Variants in SHCBP1L observed in about 807,000 individuals in gnomAD.
SHCBP1L encodes the protein testicular spindle-associated protein SHCBP1L.
In SHCBP1L, 67 loss-of-function variants were observed where a neutral mutation model predicts 62.5. The observed-to-expected ratio is 1.07, with a 90% CI of 0.88 to 1.31. The LOEUF (loss-of-function observed/expected upper bound fraction) is 1.31. Ranked by LOEUF, SHCBP1L falls within the 40% of genes most tolerant of loss-of-function variation. SHCBP1L has a pLI of 0.00. For synonymous variants in SHCBP1L, 284 were observed against 289.4 expected, an observed-to-expected ratio of 0.98 and a Z score of 0.19; for missense variants, 823 against 809.8, an observed-to-expected ratio of 1.02 and a Z score of -0.20.
intron 5 of SHCBP1L, among the ~76,000 whole-genome samples, chr1:182,931,009 AG>A (rs1394754531): frequency 6.6e-6 from 1 of 150,902 alleles, no homozygotes; most frequent in Non-Finnish European, 1.5e-5. Context: ...TACAGGCATG[AG>A]CCTGGCCAGT....
Position 182,952,941 on chromosome 1 carries a change from T to C in SHCBP1L, c.193A>G (p.Thr65Ala), listed in dbSNP as rs1018935200. 7.7e-5 allele frequency: 120 copies of C among 1,551,992 alleles called. No individual in the cohort carries two copies. Among genetic ancestry groups the C allele is most frequent in the Non-Finnish European group, 9.2e-5 (106 of 1,150,518 alleles). ...RPVKGKAGRE[T>A]ARLRLQRLPA... ...AGGCGCTGGAGCCGCAGCCTGGCCG[T>C]CTCCCGGCCCGCTTTCCCCTTCACC... The change falls in exon 1 of 10, where the codon ACG (threonine) becomes GCG (alanine). Residue 65 changes from threonine (T) to alanine (A), a missense_variant. Thr to Ala is a moderately conservative substitution (Grantham distance 58). Coordinates refer to ENST00000367547, the MANE Select transcript of SHCBP1L (RefSeq NM_030933.4).
At chr1:182,932,283 T>C (rs1651031658) in intron 5 of SHCBP1L, among the ~76,000 whole-genome samples, 1 of 152,084 alleles carries the variant, frequency 6.6e-6, no homozygotes, top group Non-Finnish European at 1.5e-5. Flanking sequence ...TGTGTGAACA[T>C]AAGTTTCCAA....
rs1274581842 is a variant in SHCBP1L, at chr1:182,904,200, T to A, written c.1567A>T (p.Ser523Cys). The change falls in exon 8 of 10, where the codon AGT (serine) becomes TGT (cysteine). Residue 523 changes from serine to cysteine, a missense_variant. Physicochemically the swap from Ser to Cys is moderately radical, Grantham distance 112. Transcript: ENST00000367547. ...LTGAALTITD[S>C]EITGAQGAGV... ...AATACCTGGGCGCCAGTTATTTCAC[T>A]GTCTGTAATTGTCAAAGCAGCCCCT... is the stretch of plus-strand genomic sequence containing the variant. The A allele has an allele frequency of 6.2e-7, 1 of 1,614,010 alleles. No homozygotes were observed. Among genetic ancestry groups the A allele is most frequent in the Admixed American group, 1.7e-5 (1 of 59,970 alleles).
intron 6 of SHCBP1L, among the ~76,000 whole-genome samples, chr1:182,929,409 C>T (rs916758175): frequency 4.6e-5 from 7 of 152,176 alleles, no homozygotes; most frequent in Admixed American, 1.3e-4. Context: ...GTCTTTCTCA[C>T]GTTTATGTCT....
intron 6 of SHCBP1L, among the ~76,000 whole-genome samples, chr1:182,912,782 C>A (rs1225425889): frequency 6.6e-6 from 1 of 151,786 alleles, no homozygotes. Flanking sequence ...CTCGGCCTCC[C>A]AAAGTGCTGG....
intron 7 of SHCBP1L, 102 bp from the exon 8 acceptor site, chr1:182,904,532 T>C (rs1309718047): frequency 5.5e-6 from 6 of 1,095,984 alleles, no homozygotes; most frequent in Admixed American, 2.3e-5. Context: ...TTTCCCTGTG[T>C]GCGTGTGTGT....
intron 2 of SHCBP1L, 139 bp downstream of exon 2, chr1:182,951,179 C>T: frequency 1.6e-6 from 1 of 609,972 alleles, no homozygotes. Context: ...TCTTTTTACA[C>T]TATTAATTTT....
Position 182,900,241 on chromosome 1 carries a change from A to C in SHCBP1L, c.1711-7T>G. 1 of 1,536,040 alleles carries C rather than the reference A, an allele frequency of 6.5e-7. No homozygotes were observed. The highest frequency in any genetic ancestry group is 8.7e-7 in the Non-Finnish European group (1 of 1,142,872). ...ATTTGGGTGCTGGAAGAACCTATTA[A>C]ATTATTTGAGGAAATTAGTTTTTCA... is the stretch of plus-strand genomic sequence containing the variant. On this transcript the variant is annotated splice_polypyrimidine_tract_variant and splice_region_variant and intron_variant, in intron 9 of 9. Coordinates refer to ENST00000367547, the MANE Select transcript of SHCBP1L (RefSeq NM_030933.4).
intron 2 of SHCBP1L, among the ~76,000 whole-genome samples, chr1:182,944,196 AG>A (rs1441044268): frequency 6.6e-6 from 1 of 151,840 alleles, no homozygotes. Flanking sequence ...ACCTGAGGTC[AG>A]GAGTTTGAGA....
intron 2 of SHCBP1L, among the ~76,000 whole-genome samples, chr1:182,943,275 A>ATTT (rs767553592): frequency 4.8e-4 from 38 of 79,106 alleles, no homozygotes; most frequent in African/African-American, 1.6e-3. Context: ...ACCATTCTTG[A>ATTT]TTTTTTTTTT....
chr1:182,904,534 CGTGTGTGTGTGTGTGTGTGTGT>C (rs61031217), intron 7 of SHCBP1L, 104 bp from the exon 8 acceptor site: 1 of 598,752 alleles, frequency 1.7e-6, no homozygotes, highest in Non-Finnish European at 2.8e-6. Context: ...TCCCTGTGTG[CGTGTGTGTGTGTGTGTGTGTGT>C]GTGTGTGTGT....
chr1:182,939,611 C>T lies in SHCBP1L; in HGVS notation c.771-58G>A, dbSNP rs1571355828. 5.5e-5 allele frequency: 66 copies of T among 1,207,708 alleles called. No individual in the cohort carries two copies. In the East Asian group the frequency reaches 1.6e-3, roughly 30 times the overall value. The allele number at this position is 1,207,708 out of a possible 1,614,324, so 74.8% of individuals were successfully genotyped here. A position where few individuals can be genotyped will look rare whatever the true frequency, so the allele number is the denominator to read the frequency against. On this transcript the variant is annotated intron_variant, in intron 3 of 9. Coordinates refer to ENST00000367547, the MANE Select transcript of SHCBP1L (RefSeq NM_030933.4). ...AAAAACAGCCACTACTGATTTAGAG[C>T]TAAATGGATATTCTGATGTCAGAAT...
intron 6 of SHCBP1L, among the ~76,000 whole-genome samples, chr1:182,907,486 AAT>A (rs1650051116): frequency 6.6e-6 from 1 of 151,264 alleles, no homozygotes; most frequent in African/African-American, 2.4e-5. Flanking sequence ...AAAATTTGGA[AAT>A]ATATTCTGAA....
chr1:182,928,404 T>C (rs1650853068), intron 6 of SHCBP1L, among the ~76,000 whole-genome samples: 1 of 152,014 alleles, frequency 6.6e-6, no homozygotes, highest in Admixed American at 6.6e-5. Context: ...GCCACAAAAG[T>C]GTTAAATGTA....
chr1:182,952,233 T>C (rs537491161), intron 1 of SHCBP1L, among the ~76,000 whole-genome samples: 5,481 of 55,434 alleles, frequency 0.099, 460 homozygotes, highest in African/African-American at 0.32. Flanking sequence ...TATATATATA[T>C]ATACACACAC....
At chr1:182,905,957 C>T (rs778158641) in intron 6 of SHCBP1L, among the ~76,000 whole-genome samples, 2 of 152,050 alleles carry the variant, frequency 1.3e-5, no homozygotes, top group Non-Finnish European at 2.9e-5. Flanking sequence ...TATTTTGAGA[C>T]GGAGTTTCGC....
At chr1:182,921,762 C>A (rs1650536251) in intron 6 of SHCBP1L, among the ~76,000 whole-genome samples, 1 of 152,116 alleles carries the variant, frequency 6.6e-6, no homozygotes, top group Non-Finnish European at 1.5e-5. Flanking sequence ...AATAATTAAC[C>A]AGGCGCGGTG....
intron 6 of SHCBP1L, among the ~76,000 whole-genome samples, chr1:182,906,803 C>G (rs901887888): frequency 1.3e-5 from 2 of 151,856 alleles, no homozygotes; most frequent in East Asian, 2.0e-4. Context: ...TTATTAGTGT[C>G]GTAAAGACTG....
chr1:182,938,491 C>T (rs950735215), intron 5 of SHCBP1L, among the ~76,000 whole-genome samples: 4 of 148,916 alleles, frequency 2.7e-5, no homozygotes, highest in Non-Finnish European at 4.5e-5. Context: ...GACAGGGTCT[C>T]GCTCTGTTGC....
Sources: gnomAD v4.1 joint callset for allele counts (sites outside exome capture counted in the v4.1 genomes callset) on GRCh38, gnomAD v4.1.1 for gene constraint, MANE v1.5 for transcripts, NCBI Gene and HGNC (gene_info 2026-07-23, HGNC 2026-07-21) for gene names.